Variants in CTNNA3 observed in about 807,000 individuals in gnomAD.
CTNNA3 encodes catenin alpha 3.
Under a neutral mutation model 95.7 loss-of-function variants are expected in CTNNA3, and 76 were observed. That is an observed-to-expected ratio of 0.79 (90% CI 0.66 to 0.96). CTNNA3 has a LOEUF of 0.96. Ranked by LOEUF, CTNNA3 falls within the 40% of genes least tolerant of loss-of-function variation. CTNNA3 has a pLI of 0.00. For synonymous variants in CTNNA3, 431 were observed against 374.4 expected (o/e 1.15, Z -1.74); for missense variants, 1,191 against 1,089.8 (o/e 1.09, Z -1.31).
At chr10:66,195,016 A>G (rs949341223) in intron 13 of CTNNA3, among the ~76,000 whole-genome samples, 1 of 152,200 alleles carries the variant, frequency 6.6e-6, no homozygotes, top group African/African-American at 2.4e-5. Flanking sequence ...CTGTATCTGC[A>G]TGCATACTTT....
intron 9 of CTNNA3, among the ~76,000 whole-genome samples, chr10:66,672,881 T>G (rs976819531): frequency 6.6e-6 from 1 of 152,092 alleles, no homozygotes; most frequent in African/African-American, 2.4e-5. Context: ...CCTTCTTTCA[T>G]GCAGTCTATA....
chr10:66,863,472 G>A (rs1844037494), intron 7 of CTNNA3, among the ~76,000 whole-genome samples: 1 of 152,060 alleles, frequency 6.6e-6, no homozygotes, highest in African/African-American at 2.4e-5. Context: ...AGTGGTAGAT[G>A]TAGTGAAAAT....
chr10:66,199,765 C>CCATA (rs1410081168), intron 13 of CTNNA3, among the ~76,000 whole-genome samples: 1 of 30,714 alleles, frequency 3.3e-5, no homozygotes, highest in Non-Finnish European at 5.4e-5. Flanking sequence ...CCACGCCTGG[C>CCATA]TATATATATA....
chr10:66,490,790 A>G (rs1209004475), intron 11 of CTNNA3, among the ~76,000 whole-genome samples: 1 of 152,192 alleles, frequency 6.6e-6, no homozygotes, highest in Non-Finnish European at 1.5e-5. Context: ...GCCTCTATGC[A>G]TGAGGAAGCA....
chr10:66,927,585 C>A lies in CTNNA3; in HGVS notation c.1048-152061G>T. ...ATCAATTTTCCAAGCTCAACCTGGCCCTTTTTCCAAGGTTGGTCAGCCTTC... is the reference window on the plus strand; with the variant it reads ...ATCAATTTTCCAAGCTCAACCTGGCACTTTTTCCAAGGTTGGTCAGCCTTC... On this transcript the variant is annotated intron_variant, in intron 7 of 17. Transcript: ENST00000433211. The surrounding 1 kb of genome is among the most constrained non-coding windows in gnomAD (Gnocchi z 4.7). 2 of 1,614,142 alleles carry A rather than the reference C, an allele frequency of 1.2e-6. No homozygotes were observed. Among genetic ancestry groups the A allele is most frequent in the South Asian group, 1.1e-5 (1 of 91,080 alleles).
chr10:66,238,587 G>A (rs1302907035), intron 13 of CTNNA3, among the ~76,000 whole-genome samples: 1 of 151,876 alleles, frequency 6.6e-6, no homozygotes, highest in African/African-American at 2.4e-5. Flanking sequence ...GAGCAATAAT[G>A]AGGGTATGGG....
intron 11 of CTNNA3, among the ~76,000 whole-genome samples, chr10:66,456,477 T>C (rs1443914472): frequency 6.6e-6 from 1 of 152,106 alleles, no homozygotes; most frequent in East Asian, 1.9e-4. Flanking sequence ...GACCTGGAGT[T>C]TGAGACCAGC....
chr10:66,137,939 C>T (rs1037832788), intron 13 of CTNNA3, among the ~76,000 whole-genome samples: 1 of 151,942 alleles, frequency 6.6e-6, no homozygotes, highest in Non-Finnish European at 1.5e-5. Flanking sequence ...AACAGAGCCA[C>T]ATCCTGTCTT....
chr10:66,001,469 T>G (rs1455550101), intron 15 of CTNNA3, among the ~76,000 whole-genome samples: 5 of 152,258 alleles, frequency 3.3e-5, no homozygotes, highest in East Asian at 1.9e-4. Flanking sequence ...TAGATTGAAA[T>G]GAATACAGAC....
chr10:67,562,814 C>G lies in CTNNA3; in HGVS notation c.293-23145G>C, dbSNP rs549791477. Among the ~76,000 whole-genome samples the G allele has an allele frequency of 2.2e-3, 333 of 152,146 alleles. 3 individuals carry two copies. Among genetic ancestry groups the G allele is most frequent in the African/African-American group, 7.6e-3 (317 of 41,460 alleles). On this transcript the variant is annotated intron_variant, in intron 3 of 17. Coordinates refer to ENST00000433211, the MANE Select transcript of CTNNA3 (RefSeq NM_013266.4). Reference sequence around the variant, plus strand: ...AGTCTCAGGATACAAAATCAATGTGCAAAAGTCACAAGCATTCTTATACAC... The same window carrying G: ...AGTCTCAGGATACAAAATCAATGTGGAAAAGTCACAAGCATTCTTATACAC...
At chr10:65,971,017 C>T (rs2078088303) in intron 16 of CTNNA3, among the ~76,000 whole-genome samples, 1 of 149,806 alleles carries the variant, frequency 6.7e-6, no homozygotes, top group African/African-American at 2.4e-5. Context: ...ATTAGCTAGT[C>T]TCAGTATCTT....
At position 66,752,552 on chromosome 10, in the gene CTNNA3, A is replaced by T. The variant is rs188026368; in HGVS notation, c.1281+13712T>A. ...TTTCTTATCTAAGTCATAAAAGCAT[A>T]ATCCATATATAGTAAATTTAATAAG... On this transcript the variant is annotated intron_variant, in intron 9 of 17. Transcript: ENST00000433211. 1.2e-4 allele frequency among the ~76,000 whole-genome samples: 18 copies of T among 152,266 alleles called. No individual in the cohort carries two copies. The East Asian group carries it at 2.5e-3, about 21-fold the overall frequency.
chr10:67,359,112 G>A (rs1033218701), intron 5 of CTNNA3, among the ~76,000 whole-genome samples: 2 of 151,476 alleles, frequency 1.3e-5, no homozygotes, highest in Non-Finnish European at 1.5e-5. Flanking sequence ...TAATCACAAC[G>A]AAGGAACCCA....
intron 14 of CTNNA3, among the ~76,000 whole-genome samples, chr10:66,101,459 G>A (rs1346572455): frequency 2.6e-5 from 4 of 152,058 alleles, no homozygotes; most frequent in African/African-American, 9.7e-5. Context: ...TAAAACACAG[G>A]TTTTATTTTC....
chr10:67,126,337 G>A (rs1215588020), intron 7 of CTNNA3, among the ~76,000 whole-genome samples: 1 of 152,200 alleles, frequency 6.6e-6, no homozygotes, highest in Admixed American at 6.5e-5. Flanking sequence ...GACCAGCCTG[G>A]CCAACATGGT....
At chr10:67,642,991 A>G (rs1446472504) in intron 2 of CTNNA3, among the ~76,000 whole-genome samples, 1 of 151,962 alleles carries the variant, frequency 6.6e-6, no homozygotes, top group African/African-American at 2.4e-5. Context: ...AAAGGAATAT[A>G]TATCATTCCA....
intron 5 of CTNNA3, among the ~76,000 whole-genome samples, chr10:67,378,242 T>A (rs1843770709): frequency 6.6e-6 from 1 of 152,190 alleles, no homozygotes; most frequent in Non-Finnish European, 1.5e-5. Context: ...TGAGAATTTT[T>A]AAAATTTTAA....
At chr10:66,429,628 A>G (rs1277197169) in intron 11 of CTNNA3, among the ~76,000 whole-genome samples, 1 of 152,218 alleles carries the variant, frequency 6.6e-6, no homozygotes, top group Non-Finnish European at 1.5e-5. Flanking sequence ...AATCCAGCAC[A>G]TAAACAGAAC....
chr10:66,538,913 AT>A (rs1262176478), intron 10 of CTNNA3, among the ~76,000 whole-genome samples: 1 of 152,100 alleles, frequency 6.6e-6, no homozygotes, highest in Admixed American at 6.6e-5. Flanking sequence ...TAGCTTTATT[AT>A]TTTATGATTT....
Sources: gnomAD v4.1 joint callset for allele counts (sites outside exome capture counted in the v4.1 genomes callset) on GRCh38, gnomAD v4.1.1 for gene constraint, Gnocchi (gnomAD v3.1) non-coding constraint, MANE v1.5 for transcripts, NCBI Gene and HGNC (gene_info 2026-07-23, HGNC 2026-07-21) for gene names.